Variants in ERC2 observed in about 807,000 individuals in gnomAD.
The protein encoded by ERC2 is ELKS/RAB6-interacting/CAST family member 2, also known as ERC protein 2.
In ERC2, 42 loss-of-function variants were observed where a neutral mutation model predicts 114.8. The observed-to-expected ratio is 0.37, with a 90% CI of 0.29 to 0.47. ERC2 has a LOEUF of 0.47. ERC2 is among the 20% of genes least tolerant of loss of function. The pLI is 0.99. For missense variants in ERC2, 939 were observed against 1,150.7 expected, an observed-to-expected ratio of 0.82 and a Z score of 2.66; for synonymous variants, 454 against 425.5, an observed-to-expected ratio of 1.07 and a Z score of -0.82.
intron 1 of ERC2, among the ~76,000 whole-genome samples, chr3:56,436,060 C>T (rs1423634944): frequency 6.6e-6 from 1 of 152,146 alleles, no homozygotes; most frequent in East Asian, 1.9e-4. Context: ...TTGTGAGTAT[C>T]CCTTCAATTT....
chr3:56,133,074 G>A (rs2149894283), intron 6 of ERC2, among the ~76,000 whole-genome samples: 1 of 152,238 alleles, frequency 6.6e-6, no homozygotes, highest in East Asian at 1.9e-4. Context: ...TGCCTAGAAA[G>A]CATTCTTGAA....
intron 3 of ERC2, among the ~76,000 whole-genome samples, chr3:56,225,123 T>C (rs2050166252): frequency 6.6e-6 from 1 of 152,134 alleles, no homozygotes; most frequent in South Asian, 2.1e-4. Flanking sequence ...CCTAGGTTTC[T>C]TTAGTAAAAT....
At chr3:56,416,215 A>G (rs2061147950) in intron 2 of ERC2, among the ~76,000 whole-genome samples, 1 of 151,612 alleles carries the variant, frequency 6.6e-6, no homozygotes, top group East Asian at 1.9e-4. Flanking sequence ...ATTTACTTCT[A>G]CTCCACACCT....
rs112669253 is a variant in ERC2, at chr3:55,576,309, C to CAA, written c.*40-65035_*40-65034dup. Among the ~76,000 whole-genome samples the CAA allele has an allele frequency of 4.2e-5, 5 of 117,670 alleles. No homozygotes were observed. The South Asian group carries it at 7.9e-4, about 19-fold the overall frequency. 77.2% of individuals were successfully genotyped at this position (117,670 alleles called of 152,430 possible). On this transcript the variant is annotated intron_variant, in intron 17 of 17. Transcript: ENST00000288221. ...GGGTGACAAGAGCAAGACTCCATCTCAAAAAAAAAAAAAAATAAATCCAAA... is the reference window on the plus strand; with the variant it reads ...GGGTGACAAGAGCAAGACTCCATCTCAAAAAAAAAAAAAAAAATAAATCCAAA...
intron 17 of ERC2, among the ~76,000 whole-genome samples, chr3:55,652,859 C>CAAAA (rs3059334): frequency 2.7e-5 from 2 of 74,352 alleles, no homozygotes; most frequent in Admixed American, 1.6e-4. Flanking sequence ...GACTCTGTCT[C>CAAAA]AAAAAAAAAA....
intron 3 of ERC2, among the ~76,000 whole-genome samples, chr3:56,268,073 A>G (rs766008073): frequency 4.6e-5 from 7 of 152,196 alleles, no homozygotes; most frequent in Non-Finnish European, 8.8e-5. Flanking sequence ...TGTACAGTCA[A>G]TTCCTGCATC....
chr3:56,300,276 A>C (rs2055776263), intron 2 of ERC2, among the ~76,000 whole-genome samples: 2 of 141,634 alleles, frequency 1.4e-5, no homozygotes, highest in South Asian at 4.7e-4. Flanking sequence ...ATACTCATGA[A>C]ATACAAAAAA....
chr3:56,330,186 A>G (rs1234938787), intron 2 of ERC2, among the ~76,000 whole-genome samples: 2 of 152,136 alleles, frequency 1.3e-5, no homozygotes, highest in Admixed American at 1.3e-4. Context: ...GGCACATGCC[A>G]CCACAGCTGG....
At chr3:55,731,625 T>C (rs987740831) in intron 15 of ERC2, among the ~76,000 whole-genome samples, 2 of 152,218 alleles carry the variant, frequency 1.3e-5, no homozygotes, top group Non-Finnish European at 2.9e-5. Flanking sequence ...TCATCTTTTA[T>C]GATCATTTGG....
At chr3:56,299,185 T>G (rs1441019257) in intron 2 of ERC2, among the ~76,000 whole-genome samples, 1 of 148,752 alleles carries the variant, frequency 6.7e-6, no homozygotes, top group Non-Finnish European at 1.5e-5. Context: ...TGGAGTGCAG[T>G]GGCGCGATCT....
chr3:56,348,866 A>C lies in ERC2; in HGVS notation c.658-52431T>G, dbSNP rs1370029700. 1.1e-3 allele frequency among the ~76,000 whole-genome samples: 134 copies of C among 123,140 alleles called. 1 individual carries two copies. The highest frequency in any genetic ancestry group is 4.6e-3 in the African/African-American group (124 of 26,686). The allele number at this position is 123,140 out of a possible 152,430, so 80.8% of individuals were successfully genotyped here. A position where few individuals can be genotyped will look rare whatever the true frequency, so the allele number is the denominator to read the frequency against. On this transcript the variant is annotated intron_variant, in intron 2 of 17. Transcript: ENST00000288221. ...TTTTCTAAGATACCACCAAAATGAA[A>C]GAAAGGAAGGAAGGAAGGAAGGAAG...
At chr3:55,664,614 T>A (rs1200696305) in intron 17 of ERC2, among the ~76,000 whole-genome samples, 1 of 152,186 alleles carries the variant, frequency 6.6e-6, no homozygotes, top group African/African-American at 2.4e-5. Flanking sequence ...GTAATGGTTT[T>A]ACTTACATCC....
At chr3:55,756,577 T>G (rs1366644368) in intron 14 of ERC2, among the ~76,000 whole-genome samples, 1 of 152,204 alleles carries the variant, frequency 6.6e-6, no homozygotes. Flanking sequence ...AAGTATGACA[T>G]GTCAAAGGCT....
At position 55,740,189 on chromosome 3, in the gene ERC2, A is replaced by C. The variant is rs563236276; in HGVS notation, c.2565-5271T>G. Among the ~76,000 whole-genome samples the C allele has an allele frequency of 1.9e-3, 284 of 152,288 alleles. 2 individuals are homozygous for C. The highest frequency in any genetic ancestry group is 3.4e-3 in the Non-Finnish European group (233 of 68,012). On this transcript the variant is annotated intron_variant, in intron 14 of 17. Coordinates refer to ENST00000288221, the MANE Select transcript of ERC2 (RefSeq NM_015576.3). ...TTCTAATTCTCTATAAATGTCATTA[A>C]ATACAGTTCCAAGTCAAATTAGCCT...
At chr3:56,205,120 A>T (rs894988374) in intron 3 of ERC2, among the ~76,000 whole-genome samples, 1 of 152,180 alleles carries the variant, frequency 6.6e-6, no homozygotes, top group Non-Finnish European at 1.5e-5. Flanking sequence ...TTGGACAAAA[A>T]GCAGACCCAG....
At chr3:56,331,831 T>TGGTG (rs2057630993) in intron 2 of ERC2, among the ~76,000 whole-genome samples, 1 of 152,098 alleles carries the variant, frequency 6.6e-6, no homozygotes, top group African/African-American at 2.4e-5. Flanking sequence ...CTCCTCACTC[T>TGGTG]CCCCCGTCAC....
At chr3:55,908,165 C>T (rs770711155) in intron 13 of ERC2, among the ~76,000 whole-genome samples, 2 of 152,180 alleles carry the variant, frequency 1.3e-5, no homozygotes, top group Non-Finnish European at 2.9e-5. Flanking sequence ...GCAGGTTCTA[C>T]ATGGCCAGAT....
intron 3 of ERC2, among the ~76,000 whole-genome samples, chr3:56,253,774 G>C (rs1364677756): frequency 1.3e-5 from 2 of 152,180 alleles, no homozygotes; most frequent in African/African-American, 4.8e-5. Flanking sequence ...GTCTGTTGTG[G>C]TGGCTCTATA....
At chr3:56,260,487 G>A (rs1024180250) in intron 3 of ERC2, among the ~76,000 whole-genome samples, 2 of 152,212 alleles carry the variant, frequency 1.3e-5, no homozygotes, top group Non-Finnish European at 2.9e-5. Context: ...GCTCCCAGGG[G>A]CTTGGCTGCA....
Sources: allele counts gnomAD v4.1 joint callset (sites outside exome capture counted in the v4.1 genomes callset), GRCh38; gene constraint gnomAD v4.1.1; transcripts MANE v1.5; gene names NCBI Gene and HGNC (gene_info 2026-07-23, HGNC 2026-07-21).